Variants in SAFB2 observed in about 807,000 individuals in gnomAD.
The protein encoded by SAFB2 is scaffold attachment factor B2.
In SAFB2, 32 loss-of-function variants were observed where a neutral mutation model predicts 100.6. The observed-to-expected ratio is 0.32, with a 90% CI of 0.24 to 0.43. The LOEUF is 0.43. Among genes scored for constraint, SAFB2 ranks in the 20% least tolerant of loss-of-function variants. The pLI is 1.00. For missense variants in SAFB2, 1,185 were observed against 1,163.4 expected, an observed-to-expected ratio of 1.02 and a Z score of -0.27; for synonymous variants, 500 against 439.4, an observed-to-expected ratio of 1.14 and a Z score of -1.72.
intron 6 of SAFB2, 157 bp downstream of exon 6, chr19:5,612,383 A>G: frequency 1.4e-6 from 1 of 697,550 alleles, no homozygotes; most frequent in South Asian, 1.7e-5. Flanking sequence ...AGATCTGGTG[A>G]TACGAATGGG....
At chr19:5,603,906 T>G (rs192130352) in intron 11 of SAFB2, among the ~76,000 whole-genome samples, 2 of 152,238 alleles carry the variant, frequency 1.3e-5, no homozygotes, top group Non-Finnish European at 2.9e-5. Context: ...CTGTGATTAA[T>G]AAGTGAGAAC....
rs751091419 is a variant in SAFB2, at chr19:5,590,424, G to C, written c.2395-16C>G. On this transcript the variant is annotated splice_polypyrimidine_tract_variant and intron_variant, in intron 17 of 20. Coordinates refer to ENST00000252542, the MANE Select transcript of SAFB2 (RefSeq NM_014649.3). ...CTCCATAGTGCTGGAAGGCAGGAGA[G>C]GAACAGGGTGACACTGACCATGTCA... The C allele has an allele frequency of 6.3e-7, 1 of 1,599,308 alleles. No individual in the cohort carries two copies. The highest frequency in any genetic ancestry group is 1.1e-5 in the South Asian group (1 of 89,174).
chr19:5,617,603 G>C (rs539137969), intron 2 of SAFB2, among the ~76,000 whole-genome samples: 7 of 152,088 alleles, frequency 4.6e-5, no homozygotes, highest in Non-Finnish European at 1.0e-4. Flanking sequence ...GTTCACAACC[G>C]GGGGGAATGG....
Position 5,621,457 on chromosome 19 carries a change from T to C in SAFB2, c.187-61A>G, listed in dbSNP as rs994427004. 5 of 1,071,978 alleles carry C rather than the reference T, an allele frequency of 4.7e-6. No homozygotes were observed. In the Admixed American group the frequency reaches 8.5e-5, roughly 18 times the overall value. The allele number at this position is 1,071,978 out of a possible 1,614,324, so 66.4% of individuals were successfully genotyped here. Reference sequence around the variant, plus strand: ...GAGCTGCAGGGCACACACTGTTCCTTACAAGTAACAACCTCCCATGAAACA... The same window carrying C: ...GAGCTGCAGGGCACACACTGTTCCTCACAAGTAACAACCTCCCATGAAACA... On this transcript the variant is annotated intron_variant, in intron 1 of 20. Coordinates refer to ENST00000252542, the MANE Select transcript of SAFB2 (RefSeq NM_014649.3).
intron 4 of SAFB2, 57 bp downstream of exon 4, chr19:5,616,075 G>A (rs758963997): frequency 3.0e-5 from 46 of 1,532,546 alleles, no homozygotes; most frequent in Non-Finnish European, 3.7e-5. Context: ...AGCAGCACGC[G>A]AGCACCAGGT....
intron 7 of SAFB2, 89 bp from the exon 8 acceptor site, chr19:5,610,777 T>C (rs902579692): frequency 6.4e-6 from 6 of 933,656 alleles, no homozygotes; most frequent in East Asian, 2.6e-5. Context: ...ACTGAATACC[T>C]ACCAGAAAAT....
At chr19:5,619,277 A>G (rs1244367504) in intron 2 of SAFB2, among the ~76,000 whole-genome samples, 5 of 152,142 alleles carry the variant, frequency 3.3e-5, no homozygotes, top group Non-Finnish European at 7.4e-5. Flanking sequence ...CCTGAGCACC[A>G]CCTGAAGACC....
chr19:5,591,665 A>T, intron 17 of SAFB2, 83 bp downstream of exon 17: 1 of 1,417,938 alleles, frequency 7.1e-7, no homozygotes, highest in Non-Finnish European at 9.9e-7. Flanking sequence ...TCTGGGATCA[A>T]GCGGCCGCCT....
intron 14 of SAFB2, 81 bp from the exon 15 acceptor site, chr19:5,594,259 A>T: frequency 7.0e-7 from 1 of 1,429,988 alleles, no homozygotes; most frequent in Non-Finnish European, 9.2e-7. Context: ...CTGGGTGTGT[A>T]TTGGAAGCAG....
chr19:5,618,807 T>C (rs1419061412), intron 2 of SAFB2, among the ~76,000 whole-genome samples: 1 of 152,224 alleles, frequency 6.6e-6, no homozygotes, highest in Non-Finnish European at 1.5e-5. Flanking sequence ...CACCTGGCAT[T>C]GGCCAACGAA....
intron 6 of SAFB2, 127 bp downstream of exon 6, chr19:5,612,413 G>T (rs929638295): frequency 3.5e-6 from 3 of 855,800 alleles, no homozygotes; most frequent in South Asian, 1.4e-5. Context: ...TCTGATCCTT[G>T]TATGATCTGG....
chr19:5,599,105 G>A (rs368845523), intron 12 of SAFB2, among the ~76,000 whole-genome samples: 2 of 152,082 alleles, frequency 1.3e-5, no homozygotes, highest in East Asian at 3.9e-4. Context: ...CAACTAGAGG[G>A]ACCTGTTCCC....
Position 5,598,134 on chromosome 19 carries a change from CAAAAAAAAAAA to C in SAFB2, c.1782+648_1782+658del, listed in dbSNP as rs11347497. 6.5e-5 allele frequency among the ~76,000 whole-genome samples: 4 copies of C among 61,210 alleles called. No individual in the cohort carries two copies. The East Asian group carries it at 1.9e-3, about 30-fold the overall frequency. 40.2% of individuals were successfully genotyped at this position (61,210 alleles called of 152,430 possible). On this transcript the variant is annotated intron_variant, in intron 13 of 20. Transcript: ENST00000252542. ...TGAGTGACACAGCAAGACTCCATCTCAAAAAAAAAAAAAAAAAAAAGTTAAGTCTTAACAAC... is the reference window on the plus strand; with the variant it reads ...TGAGTGACACAGCAAGACTCCATCTCAAAAAAAAAGTTAAGTCTTAACAAC...
At chr19:5,598,703 A>T (rs1053934804) in intron 13 of SAFB2, 90 bp downstream of exon 13, 1 of 1,232,344 alleles carries the variant, frequency 8.1e-7, no homozygotes, top group Non-Finnish European at 1.2e-6. Flanking sequence ...TTTAAAGGCA[A>T]AACAGTGCTG....
chr19:5,605,066 T>C (rs1461148446), intron 9 of SAFB2, 130 bp from the exon 10 acceptor site: 51 of 1,076,552 alleles, frequency 4.7e-5, no homozygotes, highest in Non-Finnish European at 6.4e-5. Flanking sequence ...CCATTTTAGT[T>C]ACTGAATTGG....
chr19:5,587,634 T>C lies in SAFB2; in HGVS notation c.2705+67A>G, dbSNP rs1599216880. The C allele has an allele frequency of 6.7e-7, 1 of 1,484,094 alleles. No homozygotes were observed. The highest frequency in any genetic ancestry group is 1.3e-5 in the South Asian group (1 of 76,628). 91.9% of individuals were successfully genotyped at this position (1,484,094 alleles called of 1,614,324 possible). ...TCCAACCCAGCCAGCTGATCAAACA[T>C]GCAAAAAAGGGAGAGGAAGTGAGGA... On this transcript the variant is annotated intron_variant, in intron 20 of 20. Transcript: ENST00000252542. The surrounding 1 kb of genome is among the most constrained non-coding windows in gnomAD (Gnocchi z 4.9).
chr19:5,602,901 G>T (rs1599251639), intron 11 of SAFB2, among the ~76,000 whole-genome samples: 1 of 150,044 alleles, frequency 6.7e-6, no homozygotes, highest in East Asian at 1.9e-4. Flanking sequence ...AAATTAGAGG[G>T]CTCACCGCCC....
chr19:5,609,996 T>C lies in SAFB2; in HGVS notation c.1295A>G (p.Lys432Arg). ...GGTATGAGGCAAGGGAAGGCATACC[T>C]TCCCATACTTGCTGAAAAGGTTCTT... ...DLKNLFSKYG[K>R]VVGAKVVTNA... Residue 432 changes from lysine to arginine, a missense_variant and splice_region_variant, in exon 9 of 21, where the codon AAG becomes AGG. Around this residue, in one of 3 missense-constraint regions of SAFB2, gnomAD observed 94 missense variants for 135.1 expected, o/e 0.70. Transcript: ENST00000252542. 1 of 1,613,588 alleles carries C rather than the reference T, an allele frequency of 6.2e-7. No individual in the cohort carries two copies. Among genetic ancestry groups the C allele is most frequent in the Non-Finnish European group, 8.5e-7 (1 of 1,179,588 alleles).
chr19:5,602,353 G>C (rs892066110), intron 11 of SAFB2, among the ~76,000 whole-genome samples: 1 of 151,646 alleles, frequency 6.6e-6, no homozygotes, highest in Admixed American at 6.6e-5. Flanking sequence ...GGTGGTAGGC[G>C]CCTATAGTCC....
Sources: allele counts gnomAD v4.1 joint callset (sites outside exome capture counted in the v4.1 genomes callset), GRCh38; gene constraint gnomAD v4.1.1; regional missense constraint gnomAD v4.1.1; non-coding constraint Gnocchi (gnomAD v3.1); transcripts MANE v1.5; gene names NCBI Gene and HGNC (gene_info 2026-07-23, HGNC 2026-07-21).